The following STRIP2 variants were observed in gnomAD, a reference collection of about 807,000 sequenced individuals.
STRIP2 encodes striatin-interacting protein 2.
Under a neutral mutation model 107.1 loss-of-function variants are expected in STRIP2, and 84 were observed. The ratio of observed to expected loss-of-function variants is 0.78; its 90% CI spans 0.66 to 0.94. The LOEUF (loss-of-function observed/expected upper bound fraction) is 0.94. Among genes scored for constraint, STRIP2 ranks in the 40% least tolerant of loss-of-function variants. The probability of loss-of-function intolerance (pLI) is 0.00; values close to 1 mark genes in which losing one functional copy is unlikely to be tolerated. For synonymous variants in STRIP2, 394 were observed against 400.4 expected (o/e 0.98, Z 0.19); for missense variants, 888 against 1,034.2 (o/e 0.86, Z 1.94).
At chr7:129,466,558 T>C (rs1289247736) in intron 16 of STRIP2, among the ~76,000 whole-genome samples, 1 of 152,202 alleles carries the variant, frequency 6.6e-6, no homozygotes, top group Non-Finnish European at 1.5e-5. Context: ...AGATAAACTG[T>C]GTTTGACACT....
In STRIP2 at chr7:129,464,619, G is replaced by C; in HGVS notation, c.1657G>C (p.Val553Leu). 6.2e-7 allele frequency: 1 copy of C among 1,614,002 alleles called. No individual in the cohort carries two copies. The highest frequency in any genetic ancestry group is 8.5e-7 in the Non-Finnish European group (1 of 1,179,986). Residue 553 changes from valine (V) to leucine (L), a missense_variant, in exon 16 of 21, where the codon GTT becomes CTT. Val to Leu is a conservative substitution (Grantham distance 32). Transcript: ENST00000249344. ...CTTCTCTCCCCATTGTAGCATCACTGTTCTCCAGAGCATGAAGCTGGGCAT... is the reference window on the plus strand; with the variant it reads ...CTTCTCTCCCCATTGTAGCATCACTCTTCTCCAGAGCATGAAGCTGGGCAT... ...DVLPEEMPIT[V>L]LQSMKLGIDV...
chr7:129,450,220 C>G (rs944361171), intron 3 of STRIP2, among the ~76,000 whole-genome samples: 2 of 152,116 alleles, frequency 1.3e-5, no homozygotes, highest in African/African-American at 4.8e-5. Flanking sequence ...TAGAACCACT[C>G]CTGGTACCCA....
chr7:129,460,255 T>G (rs1382028792), intron 12 of STRIP2, 46 bp from the exon 13 acceptor site: 1 of 1,557,890 alleles, frequency 6.4e-7, no homozygotes, highest in East Asian at 2.2e-5. Flanking sequence ...GGTACACATG[T>G]GAATGAGGCC....
chr7:129,485,533 A>G, intron 20 of STRIP2, 46 bp from the exon 21 acceptor site: 2 of 1,605,378 alleles, frequency 1.2e-6, no homozygotes, highest in Non-Finnish European at 1.7e-6. Context: ...TAAGAGGAGC[A>G]GTGTCTTGCA....
chr7:129,437,166 G>A (rs953427463), intron 1 of STRIP2, among the ~76,000 whole-genome samples: 4 of 152,230 alleles, frequency 2.6e-5, no homozygotes, highest in Non-Finnish European at 4.4e-5. Flanking sequence ...AAGCCAGCAT[G>A]ATGGCTCATG....
rs775446984 is a variant in STRIP2, at chr7:129,456,141, C to CTTTTTTTTT, written c.835-290_835-289insTTTTTTTTT. 7.4e-5 allele frequency among the ~76,000 whole-genome samples: 6 copies of CTTTTTTTTT among 81,006 alleles called. 3 individuals are homozygous for CTTTTTTTTT. Among genetic ancestry groups the CTTTTTTTTT allele is most frequent in the Non-Finnish European group, 1.1e-4 (4 of 36,804 alleles). 53.1% of individuals were successfully genotyped at this position (81,006 alleles called of 152,430 possible). A position where few individuals can be genotyped will look rare whatever the true frequency, so the allele number is the denominator to read the frequency against. ...TGTTCCTTAAAAAAGTCGATAGTTT[C>CTTTTTTTTT]TTTTTTTTCTTTTTTTTTTTTTTTG... On this transcript the variant is annotated intron_variant, in intron 8 of 20. Transcript: ENST00000249344.
chr7:129,437,524 G>A (rs576985821), intron 1 of STRIP2, among the ~76,000 whole-genome samples: 29 of 151,718 alleles, frequency 1.9e-4, no homozygotes, highest in African/African-American at 6.3e-4. Context: ...TTTTGTTCCA[G>A]TTTGTGTGTG....
At position 129,447,684 on chromosome 7, in the gene STRIP2, C is replaced by T. The variant is rs141520023; in HGVS notation, c.274+3586C>T. On this transcript the variant is annotated intron_variant, in intron 3 of 20. Coordinates refer to ENST00000249344, the MANE Select transcript of STRIP2 (RefSeq NM_020704.3). Reference sequence around the variant, plus strand: ...CCAGCTGCAGGCAAATTGCTTCTGGCGGGCCTTATGGACAGGAATGGAGAA... The same window carrying T: ...CCAGCTGCAGGCAAATTGCTTCTGGTGGGCCTTATGGACAGGAATGGAGAA... Among the ~76,000 whole-genome samples the T allele has an allele frequency of 8.9e-3, 1,349 of 152,306 alleles. 12 individuals are homozygous for T. Among genetic ancestry groups the T allele is most frequent in the Admixed American group, 0.02 (307 of 15,300 alleles).
rs1798307177 is a variant in STRIP2, at chr7:129,455,104, C to T, written c.707-140C>T. ...AGGGGCTTCCTTCTGGGGGCTAAGC[C>T]TCCTTCTCAGGACCAAGTACTCTGG... On this transcript the variant is annotated intron_variant, in intron 7 of 20. Transcript: ENST00000249344. 3 of 1,069,944 alleles carry T rather than the reference C, an allele frequency of 2.8e-6. No homozygotes were observed. In the African/African-American group the frequency reaches 4.9e-5, roughly 17 times the overall value. 66.3% of individuals were successfully genotyped at this position (1,069,944 alleles called of 1,614,324 possible). A position where few individuals can be genotyped will look rare whatever the true frequency, so the allele number is the denominator to read the frequency against.
intron 3 of STRIP2, among the ~76,000 whole-genome samples, 171 bp from the exon 4 acceptor site, chr7:129,451,442 C>G (rs1457319218): frequency 6.6e-6 from 1 of 152,160 alleles, no homozygotes; most frequent in African/African-American, 2.4e-5. Context: ...CAGGCCAGAA[C>G]ATTTTGGGTC....
chr7:129,476,730 A>T (rs1379153326), intron 18 of STRIP2, among the ~76,000 whole-genome samples: 2 of 149,434 alleles, frequency 1.3e-5, no homozygotes, highest in Non-Finnish European at 3.0e-5. Context: ...ATCCCAGACG[A>T]TGGGCAGCCG....
At chr7:129,462,401 C>T (rs760539167) in intron 13 of STRIP2, among the ~76,000 whole-genome samples, 1 of 152,166 alleles carries the variant, frequency 6.6e-6, no homozygotes, top group South Asian at 2.1e-4. Flanking sequence ...CTTATTGGGT[C>T]CCTGAGACCC....
Position 129,458,523 on chromosome 7 carries a change from A to T in STRIP2, c.1274+73A>T, listed in dbSNP as rs377567934. ...CCAAAGGCCCAAGATGGGGTAGTCT[A>T]TGTATTCAAGGCTCGTTAAGTTGGT... is the stretch of plus-strand genomic sequence containing the variant. On this transcript the variant is annotated intron_variant, in intron 10 of 20. Coordinates refer to ENST00000249344, the MANE Select transcript of STRIP2 (RefSeq NM_020704.3). The surrounding 1 kb of genome is among the most constrained non-coding windows in gnomAD (Gnocchi z 4.6). 1 of 1,359,100 alleles carries T rather than the reference A, an allele frequency of 7.4e-7. No individual in the cohort carries two copies. The highest frequency in any genetic ancestry group is 1.4e-5 in the South Asian group (1 of 70,926). The allele number at this position is 1,359,100 out of a possible 1,614,324, so 84.2% of individuals were successfully genotyped here.
intron 12 of STRIP2, among the ~76,000 whole-genome samples, chr7:129,459,824 T>TTC (rs1342428478): frequency 1.3e-5 from 2 of 152,284 alleles, no homozygotes; most frequent in South Asian, 2.1e-4. Flanking sequence ...CTTCCCATTC[T>TTC]TCTCTCTCTC....
At chr7:129,444,536 G>A (rs997517295) in intron 3 of STRIP2, among the ~76,000 whole-genome samples, 1 of 152,100 alleles carries the variant, frequency 6.6e-6, no homozygotes, top group Non-Finnish European at 1.5e-5. Context: ...TTCCCCAGCC[G>A]GCTGACTCAA....
chr7:129,486,448 A>G lies in STRIP2; in HGVS notation c.*619A>G, dbSNP rs1418482642. ...AAAGTGTTTTTTTCCTCATTCTGTA[A>G]GAGATCTATATTCAATGTGAAAATT... is the stretch of plus-strand genomic sequence containing the variant. On this transcript the variant is annotated 3_prime_UTR_variant, in exon 21 of 21. Transcript: ENST00000249344. 1 of 154,578 alleles carries G rather than the reference A, an allele frequency of 6.5e-6. No homozygotes were observed. Among genetic ancestry groups the G allele is most frequent in the Non-Finnish European group, 1.4e-5 (1 of 69,532 alleles). The allele number at this position is 154,578 out of a possible 1,614,324, so 9.6% of individuals were successfully genotyped here. A position where few individuals can be genotyped will look rare whatever the true frequency, so the allele number is the denominator to read the frequency against.
intron 12 of STRIP2, among the ~76,000 whole-genome samples, chr7:129,459,870 C>G (rs1798480730): frequency 6.6e-6 from 1 of 152,062 alleles, no homozygotes; most frequent in Admixed American, 6.5e-5. Context: ...TCACTTCTCT[C>G]TGTCCATAAG....
chr7:129,460,520 G>C, intron 13 of STRIP2, 148 bp downstream of exon 13: 1 of 679,084 alleles, frequency 1.5e-6, no homozygotes, highest in South Asian at 1.7e-5. Flanking sequence ...ATGATATATT[G>C]AAGTTGGGGA....
chr7:129,465,503 G>A (rs1798649621), intron 16 of STRIP2, among the ~76,000 whole-genome samples: 1 of 152,188 alleles, frequency 6.6e-6, no homozygotes, highest in African/African-American at 2.4e-5. Context: ...GAAGCTGGAG[G>A]AATCGGCAAG....
Sources: gnomAD v4.1 joint callset for allele counts (sites outside exome capture counted in the v4.1 genomes callset) on GRCh38, gnomAD v4.1.1 for gene constraint, Gnocchi (gnomAD v3.1) non-coding constraint, MANE v1.5 for transcripts, NCBI Gene and HGNC (gene_info 2026-07-23, HGNC 2026-07-21) for gene names.